PKP4: variants seen among roughly 807,000 people sequenced by gnomAD.
PKP4 encodes the protein plakophilin-4.
In PKP4, 90 loss-of-function variants were observed where a neutral mutation model predicts 145.1. The observed-to-expected ratio is 0.62, with a 90% CI of 0.52 to 0.74. The LOEUF is 0.74. PKP4 is among the 30% of genes least tolerant of loss of function. PKP4 has a pLI of 0.00. For synonymous variants in PKP4, 563 were observed against 577.2 expected (o/e 0.98, Z 0.35); for missense variants, 1,340 against 1,482.7 (o/e 0.90, Z 1.58).
At chr2:158,530,870 C>T (rs920627729) in intron 1 of PKP4, among the ~76,000 whole-genome samples, 1 of 152,068 alleles carries the variant, frequency 6.6e-6, no homozygotes, top group African/African-American at 2.4e-5. Flanking sequence ...TGAAAATTTC[C>T]TCTCCTGCCA....
intron 1 of PKP4, among the ~76,000 whole-genome samples, chr2:158,492,682 G>A (rs1695118030): frequency 6.6e-6 from 1 of 152,052 alleles, no homozygotes; most frequent in Non-Finnish European, 1.5e-5. Flanking sequence ...ATTTTTTTCT[G>A]TCTCCTTTTG....
At chr2:158,619,269 A>G (rs1206178214) in intron 4 of PKP4, among the ~76,000 whole-genome samples, 1 of 152,244 alleles carries the variant, frequency 6.6e-6, no homozygotes. Flanking sequence ...TCAGCCTGAC[A>G]GTGACTCAGC....
At chr2:158,669,004 T>G (rs2711073) in intron 16 of PKP4, 1 of 151,978 alleles carries the variant, frequency 6.6e-6, no homozygotes, top group Admixed American at 6.5e-5. Flanking sequence ...ATAAGAAAAA[T>G]TCAGTATCTA....
At chr2:158,564,101 A>G (rs182437515) in intron 2 of PKP4, among the ~76,000 whole-genome samples, 2,997 of 152,120 alleles carry the variant, frequency 0.02, 54 homozygotes, top group Non-Finnish European at 0.031. Context: ...GAGATAATAT[A>G]AAAGTGTAAA....
intron 3 of PKP4, among the ~76,000 whole-genome samples, chr2:158,591,444 A>G (rs1001047446): frequency 1.3e-5 from 2 of 152,108 alleles, no homozygotes; most frequent in African/African-American, 4.8e-5. Flanking sequence ...TGTAGAGAAT[A>G]TAATGTAGAA....
intron 1 of PKP4, chr2:158,458,390 C>T (rs1398832146): frequency 6.5e-6 from 1 of 152,736 alleles, no homozygotes; most frequent in African/African-American, 2.4e-5. Context: ...GGGGCTCCAG[C>T]TAGCCTTTCG....
intron 2 of PKP4, among the ~76,000 whole-genome samples, chr2:158,552,975 C>A (rs147809712): frequency 6.6e-6 from 1 of 152,014 alleles, no homozygotes; most frequent in Non-Finnish European, 1.5e-5. Context: ...AGTAATGAAG[C>A]GAAGTGCAGT....
intron 2 of PKP4, among the ~76,000 whole-genome samples, chr2:158,560,849 A>G (rs1032703642): frequency 2.6e-5 from 4 of 152,194 alleles, no homozygotes; most frequent in Non-Finnish European, 2.9e-5. Context: ...CTAATATTAT[A>G]TAGCTAGTAA....
At chr2:158,585,995 A>G (rs1282874705) in intron 3 of PKP4, among the ~76,000 whole-genome samples, 1 of 151,892 alleles carries the variant, frequency 6.6e-6, no homozygotes, top group African/African-American at 2.4e-5. Flanking sequence ...CCTATTCTCA[A>G]CATTTCTAAT....
At position 158,624,981 on chromosome 2, in the gene PKP4, C is replaced by G. The variant is rs1366933114; in HGVS notation, c.707C>G (p.Ser236Cys). The G allele has an allele frequency of 6.2e-7, 1 of 1,614,046 alleles. No individual in the cohort carries two copies. Among genetic ancestry groups the G allele is most frequent in the African/African-American group, 1.3e-5 (1 of 74,934 alleles). Residue 236 changes from serine to cysteine, a missense_variant, in exon 7 of 22, where the codon TCT (serine) becomes TGT (cysteine). Coordinates refer to ENST00000389759, the MANE Select transcript of PKP4 (RefSeq NM_003628.6). ...ISTGVSPSRG[S>C]LRTSLGSGFG... ...ACAGGCGTGTCTCCTTCAAGGGGGT[C>G]TCTGAGAACTTCTCTGGGTAGTGGA... is the stretch of plus-strand genomic sequence containing the variant.
At chr2:158,468,557 A>G (rs1218006337) in intron 1 of PKP4, among the ~76,000 whole-genome samples, 1 of 152,080 alleles carries the variant, frequency 6.6e-6, no homozygotes, top group Admixed American at 6.5e-5. Flanking sequence ...TCACTTATAT[A>G]TGATCATAGG....
chr2:158,556,986 T>C (rs1027279067), intron 2 of PKP4, among the ~76,000 whole-genome samples: 13 of 151,946 alleles, frequency 8.6e-5, no homozygotes, highest in African/African-American at 2.9e-4. Context: ...AAAGACAGAG[T>C]GATAAAGAGC....
chr2:158,532,879 CT>C (rs1002348423), intron 1 of PKP4, among the ~76,000 whole-genome samples: 45 of 152,142 alleles, frequency 3.0e-4, no homozygotes, highest in Admixed American at 6.5e-5. Context: ...GCAAAAACCT[CT>C]TCTGCAATTG....
intron 4 of PKP4, among the ~76,000 whole-genome samples, chr2:158,606,997 T>C (rs901562232): frequency 2.6e-5 from 4 of 152,214 alleles, no homozygotes; most frequent in African/African-American, 7.2e-5. Flanking sequence ...TTTACTATTT[T>C]AAATAACAGT....
At chr2:158,571,269 A>T (rs2047389097) in intron 2 of PKP4, among the ~76,000 whole-genome samples, 1 of 152,236 alleles carries the variant, frequency 6.6e-6, no homozygotes, top group African/African-American at 2.4e-5. Context: ...GAGCTTTTGC[A>T]CATATTTGGA....
intron 1 of PKP4, among the ~76,000 whole-genome samples, chr2:158,470,994 C>A (rs886461003): frequency 1.3e-5 from 2 of 152,078 alleles, no homozygotes; most frequent in Non-Finnish European, 2.9e-5. Flanking sequence ...TAAGCCATCC[C>A]AATTTAAAAA....
chr2:158,477,778 G>A (rs1452427653), intron 1 of PKP4, among the ~76,000 whole-genome samples: 3 of 152,116 alleles, frequency 2.0e-5, no homozygotes, highest in Non-Finnish European at 4.4e-5. Flanking sequence ...TCAGGAGATC[G>A]AGGCTGCAGT....
At chr2:158,658,339 A>G in intron 12 of PKP4, 25 bp downstream of exon 12, 5 of 1,431,574 alleles carry the variant, frequency 3.5e-6, no homozygotes, top group Non-Finnish European at 4.8e-6. Flanking sequence ...TCTTCTTTCC[A>G]GTTAATTCTG....
At chr2:158,650,931 C>T (rs1558952920) in intron 11 of PKP4, among the ~76,000 whole-genome samples, 1 of 152,186 alleles carries the variant, frequency 6.6e-6, no homozygotes, top group Admixed American at 6.5e-5. Flanking sequence ...CAAGCCACAC[C>T]TATAGACCAG....
Sources: gnomAD v4.1 joint callset for allele counts (sites outside exome capture counted in the v4.1 genomes callset) on GRCh38, gnomAD v4.1.1 for gene constraint, MANE v1.5 for transcripts, NCBI Gene and HGNC (gene_info 2026-07-23, HGNC 2026-07-21) for gene names.